The following PDE4D variants were observed in gnomAD, a reference collection of about 807,000 sequenced individuals.
The protein encoded by PDE4D is phosphodiesterase 4D.
PDE4D carries 24 observed loss-of-function variants against 87.4 expected under a neutral mutation model. That is an observed-to-expected ratio of 0.27 (90% CI 0.20 to 0.39). The LOEUF (loss-of-function observed/expected upper bound fraction) is 0.39. Ranked by LOEUF, PDE4D falls within the 10% of genes least tolerant of loss-of-function variation. The probability of loss-of-function intolerance (pLI) is 1.00; values close to 1 mark genes in which losing one functional copy is unlikely to be tolerated. For missense variants in PDE4D, 714 were observed against 1,041.0 expected, an observed-to-expected ratio of 0.69 and a Z score of 4.32; for synonymous variants, 384 against 383.2, an observed-to-expected ratio of 1.00 and a Z score of -0.02.
At chr5:59,294,527 A>T (rs1329281700) in intron 1 of PDE4D, among the ~76,000 whole-genome samples, 1 of 152,166 alleles carries the variant, frequency 6.6e-6, no homozygotes, top group African/African-American at 2.4e-5. Context: ...TTGTAGGCAG[A>T]CCGCCAAGGT....
At chr5:59,642,172 A>T (rs1741694395) in intron 1 of PDE4D, among the ~76,000 whole-genome samples, 1 of 152,072 alleles carries the variant, frequency 6.6e-6, no homozygotes, top group South Asian at 2.1e-4. Context: ...CAGGTGTAGG[A>T]AGAACTCTGG....
intron 5 of PDE4D, among the ~76,000 whole-genome samples, chr5:59,067,007 T>C (rs988542596): frequency 4.6e-5 from 7 of 150,796 alleles, no homozygotes; most frequent in Non-Finnish European, 8.9e-5. Flanking sequence ...TTTATTTATT[T>C]ATTTATTTAT....
At chr5:59,756,851 G>C (rs1025822183) in intron 1 of PDE4D, among the ~76,000 whole-genome samples, 1 of 130,754 alleles carries the variant, frequency 7.6e-6, no homozygotes, top group African/African-American at 3.0e-5. Flanking sequence ...CCTCTGTTGT[G>C]CAATGGTGCA....
At chr5:59,342,928 T>C (rs183583777) in intron 1 of PDE4D, among the ~76,000 whole-genome samples, 38 of 152,240 alleles carry the variant, frequency 2.5e-4, no homozygotes, top group Non-Finnish European at 5.3e-4. Flanking sequence ...ACATACTTTT[T>C]TGTGGTGAGA....
intron 1 of PDE4D, among the ~76,000 whole-genome samples, chr5:59,537,187 A>G (rs1292190561): frequency 6.6e-6 from 1 of 152,226 alleles, no homozygotes; most frequent in Non-Finnish European, 1.5e-5. Flanking sequence ...GAGCACAGGA[A>G]AAGAAGATGA....
intron 1 of PDE4D, among the ~76,000 whole-genome samples, chr5:59,832,545 C>T (rs1741399654): frequency 1.3e-5 from 2 of 152,020 alleles, no homozygotes; most frequent in Non-Finnish European, 2.9e-5. Context: ...ATTGCTTCTA[C>T]AGAATATGTT....
chr5:59,985,796 C>T (rs1762408791), intron 3 of PDE4D, among the ~76,000 whole-genome samples: 1 of 152,168 alleles, frequency 6.6e-6, no homozygotes, highest in South Asian at 2.1e-4. Context: ...TCAATTCTTG[C>T]AATTGGCCCT....
intron 1 of PDE4D, among the ~76,000 whole-genome samples, chr5:60,374,713 T>C (rs900585743): frequency 2.0e-5 from 3 of 152,180 alleles, no homozygotes; most frequent in Admixed American, 6.5e-5. Context: ...ATCAGGGCAT[T>C]GTTCCCAGTT....
intron 5 of PDE4D, 31 bp from the exon 6 acceptor site, chr5:59,039,002 T>G (rs1324547433): frequency 1.9e-6 from 3 of 1,552,964 alleles, no homozygotes; most frequent in Non-Finnish European, 1.7e-6. Context: ...GGGGACTCAG[T>G]TCTCAAGCGC....
intron 5 of PDE4D, among the ~76,000 whole-genome samples, chr5:59,041,172 G>T (rs892683767): frequency 2.0e-5 from 3 of 152,164 alleles, no homozygotes; most frequent in South Asian, 2.1e-4. Context: ...CAAGCTTAAA[G>T]ATATTAATAA....
intron 1 of PDE4D, among the ~76,000 whole-genome samples, chr5:60,253,204 T>C (rs550109138): frequency 6.6e-6 from 1 of 152,032 alleles, no homozygotes; most frequent in East Asian, 1.9e-4. Flanking sequence ...TAATTTTTGA[T>C]CTGAGCTCCT....
At chr5:59,172,971 T>C (rs1309529284) in intron 5 of PDE4D, 1 of 152,056 alleles carries the variant, frequency 6.6e-6, no homozygotes, top group African/African-American at 2.4e-5. Context: ...AAGTACTATG[T>C]TAAGCACTGA....
rs376185296 is a variant in PDE4D at position 60,458,621 on chromosome 5, T to A, written c.-90+29321A>T. Among the ~76,000 whole-genome samples, 8 of 152,168 alleles carry A rather than the reference T, an allele frequency of 5.3e-5. No homozygotes were observed. In the South Asian group the frequency reaches 1.5e-3, roughly 28 times the overall value. On this transcript the variant is annotated intron_variant, in intron 1 of 16. Coordinates refer to the PDE4D transcript ENST00000502484. The stretch of plus-strand genomic sequence containing the variant: ...TATATCTGGACTTCATCAAGTCTGG[T>A]TTTTTAGTCTGTCATGGGAGGCTGG...
chr5:59,023,952 G>C (rs1387296135), intron 6 of PDE4D, among the ~76,000 whole-genome samples: 2 of 149,878 alleles, frequency 1.3e-5, no homozygotes, highest in Admixed American at 1.3e-4. Flanking sequence ...GCCCAGACTG[G>C]AGTGCAGTGG....
rs539731491 is a variant in PDE4D at position 59,746,086 on chromosome 5, T to C, written c.455+147082A>G. ...GTATAAACTGTTGTGACAAATGCAA[T>C]ATATATATTTTTTCAAAAATATTTT... On this transcript the variant is annotated intron_variant, in intron 1 of 14. Transcript: ENST00000340635. Among the ~76,000 whole-genome samples, 4 of 152,272 alleles carry C rather than the reference T, an allele frequency of 2.6e-5. No homozygotes were observed. In the East Asian group the frequency reaches 7.7e-4, roughly 29 times the overall value.
At chr5:60,343,321 G>A (rs375699248) in intron 1 of PDE4D, among the ~76,000 whole-genome samples, 5 of 152,116 alleles carry the variant, frequency 3.3e-5, no homozygotes, top group Non-Finnish European at 7.4e-5. Context: ...ATGCTGAAAT[G>A]ACTAGCAACC....
At chr5:59,285,212 T>TTA (rs1554121042) in intron 1 of PDE4D, among the ~76,000 whole-genome samples, 68 of 134,624 alleles carry the variant, frequency 5.1e-4, no homozygotes, top group African/African-American at 1.8e-3. Flanking sequence ...TAAAGTATAA[T>TTA]AAAAAAAAAA....
chr5:59,180,456 G>C (rs1458482447), intron 5 of PDE4D, 139 bp downstream of exon 5: 1 of 762,090 alleles, frequency 1.3e-6, no homozygotes, highest in African/African-American at 1.7e-5. Flanking sequence ...ATCAATGATA[G>C]AAATGATAAT....
At chr5:60,010,931 C>T (rs1245809129) in intron 2 of PDE4D, among the ~76,000 whole-genome samples, 2 of 152,134 alleles carry the variant, frequency 1.3e-5, no homozygotes, top group Non-Finnish European at 1.5e-5. Context: ...AAAGTGTGTT[C>T]TGCATGGCAC....
Sources: allele counts gnomAD v4.1 joint callset (sites outside exome capture counted in the v4.1 genomes callset), GRCh38; gene constraint gnomAD v4.1.1; transcripts MANE v1.5; gene names NCBI Gene and HGNC (gene_info 2026-07-23, HGNC 2026-07-21).